The following OSBP2 variants were observed in gnomAD, a reference collection of about 807,000 sequenced individuals.
The protein encoded by OSBP2 is oxysterol-binding protein 2.
In OSBP2, 66 loss-of-function variants were observed where a neutral mutation model predicts 96.0. The observed-to-expected ratio is 0.69, with a 90% CI of 0.56 to 0.84. The LOEUF is 0.84. OSBP2 is among the 40% of genes least tolerant of loss of function. The probability of loss-of-function intolerance (pLI) is 0.00; values close to 1 mark genes in which losing one functional copy is unlikely to be tolerated. For synonymous variants in OSBP2, 525 were observed against 520.9 expected (o/e 1.01, Z -0.11); for missense variants, 1,038 against 1,222.7 (o/e 0.85, Z 2.25).
At chr22:30,891,990 G>T (rs2039958741) in intron 8 of OSBP2, among the ~76,000 whole-genome samples, 1 of 152,146 alleles carries the variant, frequency 6.6e-6, no homozygotes, top group Non-Finnish European at 1.5e-5. Context: ...GGGAGGAAAG[G>T]AAAGGAGGGT....
upstream of OSBP2, chr22:30,694,871 C>A (rs1001128201): frequency 8.8e-4 from 893 of 1,013,550 alleles, 1 homozygote; most frequent in Non-Finnish European, 1.1e-3. Flanking sequence ...GCCCCCCGCC[C>A]CCACTGGCCG....
chr22:30,722,635 CTCTCTT>C (rs145627110), intron 1 of OSBP2, among the ~76,000 whole-genome samples: 3,489 of 150,842 alleles, frequency 0.023, 116 homozygotes, highest in African/African-American at 0.08. Flanking sequence ...TTCTTTCTTT[CTCTCTT>C]TCTCTTTCTC....
intron 2 of OSBP2, among the ~76,000 whole-genome samples, chr22:30,851,785 C>G (rs2147061245): frequency 6.6e-6 from 1 of 152,180 alleles, no homozygotes; most frequent in Middle Eastern, 3.4e-3. Flanking sequence ...ATGATGATAA[C>G]TGTAAGATTT....
chr22:30,748,932 A>G (rs1021910844), intron 2 of OSBP2, among the ~76,000 whole-genome samples: 1 of 152,180 alleles, frequency 6.6e-6, no homozygotes, highest in Non-Finnish European at 1.5e-5. Flanking sequence ...CGTGGCCAAC[A>G]TGGTGAAACC....
intron 1 of OSBP2, among the ~76,000 whole-genome samples, chr22:30,715,346 A>G (rs1487373726): frequency 6.7e-6 from 1 of 149,928 alleles, no homozygotes; most frequent in Non-Finnish European, 1.5e-5. Flanking sequence ...TGTGATGATA[A>G]GTGATGAGCA....
intron 2 of OSBP2, among the ~76,000 whole-genome samples, chr22:30,808,198 G>A (rs2090956481): frequency 6.6e-6 from 1 of 152,086 alleles, no homozygotes; most frequent in Non-Finnish European, 1.5e-5. Context: ...ACACAGGGAA[G>A]TCCCCCCAAA....
chr22:30,844,795 G>A (rs1372251444), intron 2 of OSBP2: 1 of 152,206 alleles, frequency 6.6e-6, no homozygotes, highest in Non-Finnish European at 1.5e-5. Context: ...AGAGGCCTAG[G>A]TTTGGGCCTG....
intron 2 of OSBP2, among the ~76,000 whole-genome samples, chr22:30,837,779 C>T (rs1053273232): frequency 4.6e-5 from 7 of 152,094 alleles, no homozygotes; most frequent in African/African-American, 9.7e-5. Flanking sequence ...GACCTAAGGC[C>T]GGGCTAAATC....
intron 1 of OSBP2, among the ~76,000 whole-genome samples, chr22:30,722,705 T>A (rs1346644129): frequency 1.3e-5 from 2 of 151,358 alleles, no homozygotes; most frequent in African/African-American, 4.8e-5. Flanking sequence ...TTTTTCTTTC[T>A]TTCTCTTTTT....
At position 30,881,491 on chromosome 22, in the gene OSBP2, C is replaced by T. The variant is rs1347451238; in HGVS notation, c.1108-5935C>T. ...AGGTCAGCCCGTCTCTCCTCCTGCT[C>T]ACAGCTGAGCACGAGTCTCCTGGCC... is the stretch of plus-strand genomic sequence containing the variant. On this transcript the variant is annotated intron_variant, in intron 3 of 13. Coordinates refer to ENST00000332585, the MANE Select transcript of OSBP2 (RefSeq NM_030758.4). The surrounding 1 kb of genome is among the most constrained non-coding windows in gnomAD (Gnocchi z 4.5). 6.6e-6 allele frequency among the ~76,000 whole-genome samples: 1 copy of T among 152,166 alleles called. No individual in the cohort carries two copies. Among genetic ancestry groups the T allele is most frequent in the Non-Finnish European group, 1.5e-5 (1 of 68,014 alleles).
chr22:30,729,404 A>G (rs1335460770), intron 1 of OSBP2, among the ~76,000 whole-genome samples: 1 of 152,154 alleles, frequency 6.6e-6, no homozygotes, highest in African/African-American at 2.4e-5. Flanking sequence ...TTGGGAGGCC[A>G]AGGTGGGAGG....
chr22:30,707,269 G>C (rs1007270572), intron 1 of OSBP2, among the ~76,000 whole-genome samples: 1 of 151,958 alleles, frequency 6.6e-6, no homozygotes. Context: ...GCTAATTTTT[G>C]TATTTTTAGT....
At chr22:30,764,940 A>C (rs977935254) in intron 2 of OSBP2, among the ~76,000 whole-genome samples, 3 of 152,174 alleles carry the variant, frequency 2.0e-5, no homozygotes, top group African/African-American at 7.2e-5. Context: ...AGGGACATGA[A>C]GTCTTCCTGG....
At chr22:30,792,124 C>T (rs1453696053) in intron 2 of OSBP2, among the ~76,000 whole-genome samples, 2 of 151,982 alleles carry the variant, frequency 1.3e-5, no homozygotes, top group African/African-American at 4.8e-5. Context: ...TCAGCCTAGC[C>T]AACATGGTGA....
intron 2 of OSBP2, among the ~76,000 whole-genome samples, chr22:30,796,481 A>G (rs2090763431): frequency 6.6e-6 from 1 of 152,066 alleles, no homozygotes. Context: ...GATAAGAACC[A>G]TTGGGTTTAA....
At chr22:30,709,625 C>T (rs2089312441) in intron 1 of OSBP2, among the ~76,000 whole-genome samples, 1 of 152,010 alleles carries the variant, frequency 6.6e-6, no homozygotes, top group Non-Finnish European at 1.5e-5. Flanking sequence ...AACCAGTTCT[C>T]CTGCCTCAGC....
intron 2 of OSBP2, among the ~76,000 whole-genome samples, chr22:30,782,856 T>G (rs980094840): frequency 6.6e-6 from 1 of 152,168 alleles, no homozygotes; most frequent in Non-Finnish European, 1.5e-5. Flanking sequence ...TCGAAAGTGA[T>G]TACACCATTT....
intron 12 of OSBP2, chr22:30,894,539 G>C (rs1376719564): frequency 6.5e-6 from 1 of 153,358 alleles, no homozygotes; most frequent in Non-Finnish European, 1.5e-5. Context: ...CTGGGAGCGA[G>C]TTTGAGTGCA....
chr22:30,786,621 G>A (rs1316929979), intron 2 of OSBP2, among the ~76,000 whole-genome samples: 3 of 150,976 alleles, frequency 2.0e-5, no homozygotes, highest in East Asian at 2.0e-4. Flanking sequence ...ACTTGTTGAA[G>A]ATAGGAGGAG....
Sources: gnomAD v4.1 joint callset for allele counts (sites outside exome capture counted in the v4.1 genomes callset) on GRCh38, gnomAD v4.1.1 for gene constraint, Gnocchi (gnomAD v3.1) non-coding constraint, MANE v1.5 for transcripts, NCBI Gene and HGNC (gene_info 2026-07-23, HGNC 2026-07-21) for gene names.